Variants in IQSEC2 observed in about 807,000 individuals in gnomAD.
The protein encoded by IQSEC2 is IQ motif and Sec7 domain ArfGEF 2, also known as IQ motif and SEC7 domain-containing protein 2.
IQSEC2 carries 6 observed loss-of-function variants against 74.6 expected under a neutral mutation model. The ratio of observed to expected loss-of-function variants is 0.08; its 90% CI spans 0.04 to 0.16. The LOEUF (loss-of-function observed/expected upper bound fraction) is 0.16, where lower values mean the gene tolerates loss of function less well. IQSEC2 is among the 10% of genes least tolerant of loss of function. The probability of loss-of-function intolerance (pLI) is 1.00; values close to 1 mark genes in which losing one functional copy is unlikely to be tolerated. For missense variants in IQSEC2, 734 were observed against 1,306.2 expected, an observed-to-expected ratio of 0.56 and a Z score of 6.75; for synonymous variants, 494 against 544.5, an observed-to-expected ratio of 0.91 and a Z score of 1.29.
At position 53,278,003 on chromosome X, in the gene IQSEC2, C is replaced by CTT. The variant is rs36027805; in HGVS notation, c.737+13890_737+13891dup. Among the ~76,000 whole-genome samples, 327 of 37,537 alleles carry CTT rather than the reference C, an allele frequency of 8.7e-3. 19 individuals are homozygous for CTT. The highest frequency in any genetic ancestry group is 0.023 in the African/African-American group (191 of 8,379). The allele number at this position is 37,537 out of a possible 115,157, so 32.6% of individuals were successfully genotyped here. The stretch of plus-strand genomic sequence containing the variant: ...TCTTTTTTTCTTTTCTTTTCTTTTT[C>CTT]TTTTTTTTTTTTTTTTTTTTTTTTT... On this transcript the variant is annotated intron_variant, in intron 2 of 14. Transcript: ENST00000642864.
chrX:53,282,934 C>T (rs1002695126), intron 2 of IQSEC2, among the ~76,000 whole-genome samples: 34 of 111,905 alleles, frequency 3.0e-4, no homozygotes, highest in African/African-American at 9.4e-4. Flanking sequence ...CAGTGGCTCA[C>T]GCCTGTAATC....
At chrX:53,242,433 CAAAAAAAAAAAAAAAA>C (rs138931001) in intron 9 of IQSEC2, among the ~76,000 whole-genome samples, 1 of 36,004 alleles carries the variant, frequency 2.8e-5, no homozygotes, top group Non-Finnish European at 4.9e-5. Flanking sequence ...AACTCCATGT[CAAAAAAAAAAAAAAAA>C]AAAAAAAAAA....
In IQSEC2 at chrX:53,301,355, AATCACAATCTT is replaced by A. The variant is rs1399563979; in HGVS notation, c.708-9442_708-9432del. ...GGATCTTGGAGGCCAGCCTATTACG[AATCACAATCTT>A]ATGGGTTGTACTGATAAACAGAAGG... On this transcript the variant is annotated intron_variant, in intron 1 of 14. Transcript: ENST00000642864. Among the ~76,000 whole-genome samples, 10 of 111,479 alleles carry A rather than the reference AATCACAATCTT, an allele frequency of 9.0e-5. No homozygotes were observed. In the East Asian group the frequency reaches 1.1e-3, roughly 13 times the overall value.
intron 2 of IQSEC2, among the ~76,000 whole-genome samples, chrX:53,257,815 G>A (rs183743484): frequency 8.9e-6 from 1 of 112,013 alleles, no homozygotes; most frequent in East Asian, 2.8e-4. Flanking sequence ...CAAGACAACC[G>A]TATGAGGTAG....
intron 1 of IQSEC2, among the ~76,000 whole-genome samples, chrX:53,313,854 G>A (rs1390105867): frequency 8.9e-6 from 1 of 112,210 alleles, no homozygotes; most frequent in Non-Finnish European, 1.9e-5. Flanking sequence ...CAGCAGATTG[G>A]TCTAAATGTC....
Position 53,248,125 on chromosome X carries a change from G to A in IQSEC2, c.2571C>T (p.Ile857=), listed in dbSNP as rs146979083. ...QGEAQKVERL[I]EAFSQRYCVC... is the part of the protein sequence containing the mutation. ...GGAGGTAGGCACACCTGAAGGCTTC[G>A]ATGAGTCGCTCCACTTTCTGGGCCT... The change falls in exon 7 of 15, where the codon ATC becomes ATT. Residue 857 remains isoleucine, a synonymous_variant. Transcript: ENST00000642864. The A allele has an allele frequency of 1.6e-5, 19 of 1,209,335 alleles. No individual in the cohort carries two copies. Among genetic ancestry groups the A allele is most frequent in the South Asian group, 8.8e-5 (5 of 56,584 alleles).
intron 12 of IQSEC2, chrX:53,237,915 A>G: frequency 2.3e-6 from 1 of 439,293 alleles, no homozygotes; most frequent in Non-Finnish European, 4.0e-6. Context: ...ACCTTTCACT[A>G]GAAGGAATAG....
At chrX:53,262,123 G>A (rs2074577502) in intron 2 of IQSEC2, among the ~76,000 whole-genome samples, 1 of 112,384 alleles carries the variant, frequency 8.9e-6, no homozygotes. Flanking sequence ...GAGGAAGCTT[G>A]TGGACTGGGT....
rs782171867 is a variant in IQSEC2, at chrX:53,251,226, T to C, written c.1402-52A>G. 89 of 1,129,894 alleles carry C rather than the reference T, an allele frequency of 7.9e-5. 1 individual carries two copies. The East Asian group carries it at 2.7e-3, about 34-fold the overall frequency. The allele number at this position is 1,129,894 out of a possible 1,213,427, so 93.1% of individuals were successfully genotyped here. A position where few individuals can be genotyped will look rare whatever the true frequency, so the allele number is the denominator to read the frequency against. On this transcript the variant is annotated intron_variant, in intron 4 of 14. Coordinates refer to ENST00000642864, the MANE Select transcript of IQSEC2 (RefSeq NM_001111125.3). ...GAAAGGGAGAGAAAAGAAAGAAAGA[T>C]AAAGGGAAGAATGGTGGAAGGTGGG...
At chrX:53,314,582 C>T (rs917554761) in intron 1 of IQSEC2, among the ~76,000 whole-genome samples, 1 of 111,663 alleles carries the variant, frequency 9.0e-6, no homozygotes. Context: ...GAGAAGGGAA[C>T]AACATGAGCA....
At chrX:53,288,862 C>T (rs1374737773) in intron 2 of IQSEC2, among the ~76,000 whole-genome samples, 1 of 111,879 alleles carries the variant, frequency 8.9e-6, no homozygotes, top group Non-Finnish European at 1.9e-5. Context: ...GATGGCCAAT[C>T]CCTCTCTGGA....
At chrX:53,257,326 G>A (rs2074489776) in intron 2 of IQSEC2, among the ~76,000 whole-genome samples, 1 of 112,858 alleles carries the variant, frequency 8.9e-6, no homozygotes, top group Non-Finnish European at 1.9e-5. Flanking sequence ...CTTTGCACTG[G>A]GGGCTGGATG....
chrX:53,261,946 C>T (rs781890141), intron 2 of IQSEC2, among the ~76,000 whole-genome samples: 1 of 111,978 alleles, frequency 8.9e-6, no homozygotes, highest in East Asian at 2.8e-4. Context: ...ATTTAATCTG[C>T]ATGGCAAACG....
rs781845846 is a variant in IQSEC2 at position 53,255,110 on chromosome X, G to A, written c.1000-179C>T. On this transcript the variant is annotated intron_variant, in intron 3 of 14. Transcript: ENST00000642864. ...GAATTTCAGATAACACTAGTCAAAT[G>A]GGATTGGATTATGTTTTGTTTTCTT... is the stretch of plus-strand genomic sequence containing the variant. Among the ~76,000 whole-genome samples the A allele has an allele frequency of 1.6e-4, 18 of 110,158 alleles. No individual in the cohort carries two copies. The South Asian group carries it at 7.3e-3, about 45-fold the overall frequency.
At chrX:53,226,866 T>C (rs1179952627), downstream of IQSEC2, 1 of 112,728 alleles carries the variant, frequency 8.9e-6, no homozygotes, top group Non-Finnish European at 1.9e-5. Context: ...GCAGAATTGT[T>C]GTGTACTTGG....
rs797044650 is a variant in IQSEC2 at position 53,234,360 on chromosome X, T to G, written c.4326A>C (p.Pro1442=). ...PPHPSYPPLP[P]PSPHTPHSPL... Reference sequence around the variant, plus strand: ...GTGAGTGCGGGGTGTGAGGGGAGGGTGGGGGGAGGGGTGGATAGGAGGGGT... The same window carrying G: ...GTGAGTGCGGGGTGTGAGGGGAGGGGGGGGGGAGGGGTGGATAGGAGGGGT... The change falls in exon 15 of 15, where the codon CCA becomes CCC. Residue 1442 remains proline, a synonymous_variant. Transcript: ENST00000642864. The G allele has an allele frequency of 1.4e-3, 123 of 86,965 alleles. No individual in the cohort carries two copies. Among genetic ancestry groups the G allele is most frequent in the South Asian group, 2.5e-3 (13 of 5,236 alleles). 7.2% of individuals were successfully genotyped at this position (86,965 alleles called of 1,213,427 possible).
chrX:53,247,431 G>C lies in IQSEC2; in HGVS notation c.2583-296C>G, dbSNP rs140424204. Among the ~76,000 whole-genome samples the C allele has an allele frequency of 3.8e-3, 424 of 112,198 alleles. 3 individuals are homozygous for C. The highest frequency in any genetic ancestry group is 0.013 in the African/African-American group (408 of 30,897). ...AAGTGACTAAGACTCAAAGTGGCGA[G>C]GTAACTTGCCCAAGGTAATAGAGCT... On this transcript the variant is annotated intron_variant, in intron 7 of 14. Transcript: ENST00000642864.
In IQSEC2 at chrX:53,238,167, C is replaced by T. The variant is rs1556860135; in HGVS notation, c.3255G>A (p.Glu1085=). Residue 1085 remains glutamate, a synonymous_variant, in exon 12 of 15, where the codon GAG becomes GAA. Coordinates refer to ENST00000642864, the MANE Select transcript of IQSEC2 (RefSeq NM_001111125.3). ...DLRESIAEVQ[E]MEKYRVESEL... The stretch of plus-strand genomic sequence containing the variant: ...CACACTCCACACGGTATTTCTCCAT[C>T]TCCTGCACCTCCGCAATGGACTCGC... 1 of 1,204,119 alleles carries T rather than the reference C, an allele frequency of 8.3e-7. No homozygotes were observed. The highest frequency in any genetic ancestry group is 1.1e-6 in the Non-Finnish European group (1 of 891,862).
At position 53,321,259 on chromosome X, in the gene IQSEC2, G is replaced by GGGCCTAGGGGGCCCGGGA. The variant is rs1465956160; in HGVS notation, c.-137_-136insTCCCGGGCCCCCTAGGCC. On this transcript the variant is annotated 5_prime_UTR_variant, in exon 1 of 15. Transcript: ENST00000642864. ...CGCGCACCGGGCTTGAGGGCCCGGG[G>GGGCCTAGGGGGCCCGGGA]GCCCTAGGGGGCCCGGGAGACAGCG... 1 of 355,194 alleles carries GGGCCTAGGGGGCCCGGGA rather than the reference G, an allele frequency of 2.8e-6. No homozygotes were observed. Among genetic ancestry groups the GGGCCTAGGGGGCCCGGGA allele is most frequent in the Non-Finnish European group, 4.7e-6 (1 of 211,969 alleles). 29.3% of individuals were successfully genotyped at this position (355,194 alleles called of 1,213,427 possible). A position where few individuals can be genotyped will look rare whatever the true frequency, so the allele number is the denominator to read the frequency against.
Sources: gnomAD v4.1 joint callset for allele counts (sites outside exome capture counted in the v4.1 genomes callset) on GRCh38, gnomAD v4.1.1 for gene constraint, MANE v1.5 for transcripts, NCBI Gene and HGNC (gene_info 2026-07-23, HGNC 2026-07-21) for gene names.